Variants in MINDY4 observed in about 807,000 individuals in gnomAD.
The protein encoded by MINDY4 is MINDY lysine 48 deubiquitinase 4, also known as probable ubiquitin carboxyl-terminal hydrolase MINDY-4.
In MINDY4, 68 loss-of-function variants were observed where a neutral mutation model predicts 87.0. The observed-to-expected ratio is 0.78, with a 90% confidence interval of 0.64 to 0.96. MINDY4 has a LOEUF of 0.96. MINDY4 is among the 40% of genes least tolerant of loss of function. The pLI is 0.00. For missense variants in MINDY4, 919 were observed against 928.2 expected, an observed-to-expected ratio of 0.99 and a Z score of 0.13; for synonymous variants, 379 against 363.2, an observed-to-expected ratio of 1.04 and a Z score of -0.50.
intron 5 of MINDY4, among the ~76,000 whole-genome samples, chr7:30,793,553 C>T (rs1293362335): frequency 1.3e-5 from 2 of 151,924 alleles, no homozygotes; most frequent in African/African-American, 2.4e-5. Flanking sequence ...GTACGTGGGA[C>T]CACAGATGCA....
intron 5 of MINDY4, among the ~76,000 whole-genome samples, chr7:30,799,405 C>G (rs1402187654): frequency 2.0e-5 from 3 of 152,164 alleles, no homozygotes; most frequent in Non-Finnish European, 4.4e-5. Context: ...GACACAGCAA[C>G]CTGGAATCAC....
chr7:30,790,604 T>A (rs1405248748), intron 4 of MINDY4, among the ~76,000 whole-genome samples: 1 of 151,994 alleles, frequency 6.6e-6, no homozygotes, highest in Non-Finnish European at 1.5e-5. Context: ...CCACCAAGCC[T>A]GGCTATTTTT....
intron 6 of MINDY4, among the ~76,000 whole-genome samples, chr7:30,835,070 C>T (rs193022024): frequency 8.8e-4 from 134 of 152,342 alleles, no homozygotes; most frequent in African/African-American, 2.8e-3. Context: ...TCCACATTTT[C>T]GGATATCTTT....
chr7:30,783,855 G>A (rs576279998), intron 3 of MINDY4, among the ~76,000 whole-genome samples: 13 of 152,332 alleles, frequency 8.5e-5, no homozygotes, highest in Admixed American at 7.2e-4. Flanking sequence ...ACACTGCAGA[G>A]ATGGGAAAAA....
At chr7:30,835,000 C>T (rs1196670868) in intron 6 of MINDY4, among the ~76,000 whole-genome samples, 1 of 152,224 alleles carries the variant, frequency 6.6e-6, no homozygotes, top group African/African-American at 2.4e-5. Context: ...ATTTTCCTGT[C>T]TTCTTCTGAG....
At chr7:30,840,946 T>C (rs1789014936) in intron 9 of MINDY4, 98 bp downstream of exon 9, 1 of 1,064,772 alleles carries the variant, frequency 9.4e-7, no homozygotes, top group Non-Finnish European at 1.4e-6. Context: ...TCCCTGATAT[T>C]TCCTGTCTTC....
intron 16 of MINDY4, 33 bp downstream of exon 16, chr7:30,882,394 C>T: frequency 1.4e-6 from 2 of 1,462,360 alleles, no homozygotes; most frequent in Non-Finnish European, 1.8e-6. Flanking sequence ...CCACCCAACC[C>T]TGTCCCCAAG....
chr7:30,805,789 A>T (rs62446945), intron 5 of MINDY4, among the ~76,000 whole-genome samples: 9,154 of 152,142 alleles, frequency 0.06, 365 homozygotes, highest in Middle Eastern at 0.085. Flanking sequence ...TTAGAGATGA[A>T]GGGTACACAG....
intron 17 of MINDY4, among the ~76,000 whole-genome samples, chr7:30,885,803 C>G (rs1790618316): frequency 1.3e-5 from 2 of 151,186 alleles, no homozygotes; most frequent in African/African-American, 4.9e-5. Flanking sequence ...GAACCTTCTT[C>G]CTGGCTCCAT....
chr7:30,813,251 C>T (rs766028116), intron 5 of MINDY4, among the ~76,000 whole-genome samples: 2 of 152,164 alleles, frequency 1.3e-5, no homozygotes, highest in Non-Finnish European at 2.9e-5. Context: ...TGTGCTGCTT[C>T]GATTTTTTCT....
At position 30,791,409 on chromosome 7, in the gene MINDY4, G is replaced by A. The variant is rs574245366; in HGVS notation, c.908G>A (p.Arg303Lys). Residue 303 changes from arginine (R) to lysine (K), a missense_variant, in exon 5 of 18, where the codon AGG becomes AAG. By Grantham distance (26) the Arg-to-Lys change is conservative. Transcript: ENST00000265299. ...AGCAAACGGCTGCCCCCATGGGACA[G>A]GGCCAGGCCGAGGGATCCCTCCGAG... Reference protein sequence around the residue: ...LPSKRLPPWDRARPRDPSEDT... With the variant: ...LPSKRLPPWDKARPRDPSEDT... The A allele has an allele frequency of 6.2e-7, 1 of 1,614,168 alleles. No individual in the cohort carries two copies. Among genetic ancestry groups the A allele is most frequent in the African/African-American group, 1.3e-5 (1 of 75,052 alleles).
intron 2 of MINDY4, chr7:30,781,055 G>A (rs1786995944): frequency 6.6e-6 from 1 of 152,292 alleles, no homozygotes; most frequent in African/African-American, 2.4e-5. Flanking sequence ...AGTAGGAAGG[G>A]GGAGGACTTG....
At chr7:30,844,487 G>T (rs1477835580) in intron 9 of MINDY4, among the ~76,000 whole-genome samples, 2 of 152,044 alleles carry the variant, frequency 1.3e-5, no homozygotes, top group South Asian at 2.1e-4. Context: ...GTCGCAGGTA[G>T]ATAGGGGTTG....
chr7:30,835,201 A>G (rs1468824387), intron 6 of MINDY4, among the ~76,000 whole-genome samples: 1 of 152,262 alleles, frequency 6.6e-6, no homozygotes. Flanking sequence ...TTTAAATTGC[A>G]CATGGCTGGG....
chr7:30,865,286 A>G (rs1752098005), intron 13 of MINDY4, among the ~76,000 whole-genome samples: 2 of 152,232 alleles, frequency 1.3e-5, no homozygotes, highest in African/African-American at 4.8e-5. Context: ...CTTAGCTGGG[A>G]AACAGGAGAA....
chr7:30,860,659 C>G (rs1488799062), intron 13 of MINDY4, among the ~76,000 whole-genome samples: 2 of 152,026 alleles, frequency 1.3e-5, no homozygotes, highest in African/African-American at 2.4e-5. Flanking sequence ...GTCTAGGGCT[C>G]TGTGCTCGAG....
At chr7:30,799,320 G>A (rs1787582510) in intron 5 of MINDY4, among the ~76,000 whole-genome samples, 1 of 152,140 alleles carries the variant, frequency 6.6e-6, no homozygotes, top group Non-Finnish European at 1.5e-5. Context: ...GTAAACCAGG[G>A]TCCTGTGACT....
chr7:30,892,155 C>G lies in MINDY4; in HGVS notation c.*150C>G. 1 of 760,418 alleles carries G rather than the reference C, an allele frequency of 1.3e-6. No homozygotes were observed. The highest frequency in any genetic ancestry group is 2.2e-6 in the Non-Finnish European group (1 of 449,944). The allele number at this position is 760,418 out of a possible 1,614,324, so 47.1% of individuals were successfully genotyped here. ...GCATCCAGAGCCTCCCTGCCCCTTC[C>G]ATGAAGGGCCCACCCAAGACTGTGC... On this transcript the variant is annotated 3_prime_UTR_variant, in exon 18 of 18. Coordinates refer to ENST00000265299, the MANE Select transcript of MINDY4 (RefSeq NM_032222.3).
At chr7:30,837,579 G>C (rs1717028966) in intron 7 of MINDY4, among the ~76,000 whole-genome samples, 1 of 151,530 alleles carries the variant, frequency 6.6e-6, no homozygotes, top group Non-Finnish European at 1.5e-5. Context: ...TCTCTCTTTT[G>C]AAGCTACAGA....
Sources: gnomAD v4.1 joint callset for allele counts (sites outside exome capture counted in the v4.1 genomes callset) on GRCh38, gnomAD v4.1.1 for gene constraint, MANE v1.5 for transcripts, NCBI Gene and HGNC (gene_info 2026-07-23, HGNC 2026-07-21) for gene names.